Variants in PCNX2 observed in about 807,000 individuals in gnomAD.
The protein encoded by PCNX2 is pecanex-like protein 2.
Under a neutral mutation model 223.8 loss-of-function variants are expected in PCNX2, and 168 were observed. That is an observed-to-expected ratio of 0.75 (90% CI 0.66 to 0.85). PCNX2 has a LOEUF of 0.85. PCNX2 is among the 40% of genes least tolerant of loss of function. The pLI is 0.00. For missense variants in PCNX2, 2,507 were observed against 2,675.5 expected (o/e 0.94, Z 1.39); for synonymous variants, 1,006 against 1,052.6 (o/e 0.96, Z 0.86).
At chr1:233,227,154 A>T in intron 10 of PCNX2, 72 bp downstream of exon 10, 1 of 1,453,978 alleles carries the variant, frequency 6.9e-7, no homozygotes, top group Non-Finnish European at 9.2e-7. Flanking sequence ...GTTCTCTTTG[A>T]AAGCATGCAG....
intron 21 of PCNX2, among the ~76,000 whole-genome samples, chr1:233,130,761 G>A (rs1294138061): frequency 6.6e-6 from 1 of 151,910 alleles, no homozygotes; most frequent in Middle Eastern, 3.2e-3. Context: ...GGGATTACAG[G>A]TGTGTGCCAC....
chr1:233,054,123 A>G, intron 25 of PCNX2, 145 bp downstream of exon 25: 1 of 670,070 alleles, frequency 1.5e-6, no homozygotes, highest in South Asian at 2.0e-5. Context: ...TAGTTTATTT[A>G]TATCAAGGTA....
At chr1:233,231,789 CA>C in intron 9 of PCNX2, 2 of 458,904 alleles carry the variant, frequency 4.4e-6, no homozygotes, top group Non-Finnish European at 5.7e-6. Context: ...TGAGAAATCA[CA>C]GAGTGGCTGC....
At chr1:232,994,471 A>G (rs1209476995) in intron 32 of PCNX2, among the ~76,000 whole-genome samples, 1 of 152,122 alleles carries the variant, frequency 6.6e-6, no homozygotes, top group African/African-American at 2.4e-5. Flanking sequence ...CTTGTTTTTG[A>G]TTTTACAGGC....
At chr1:232,987,378 G>C (rs1669531951) in intron 32 of PCNX2, among the ~76,000 whole-genome samples, 1 of 152,236 alleles carries the variant, frequency 6.6e-6, no homozygotes, top group Admixed American at 6.5e-5. Flanking sequence ...AGCAGTCTGA[G>C]GAAATGGGTG....
rs114631138 is a variant in PCNX2 at position 233,178,972 on chromosome 1, T to A, written c.3176+94A>T. On this transcript the variant is annotated intron_variant, in intron 16 of 33. Coordinates refer to ENST00000258229, the MANE Select transcript of PCNX2 (RefSeq NM_014801.4). Reference sequence around the variant, plus strand: ...ATGAGAGTCAAATCACAATGGGCAGTGAATTGCTGTCTGCCCATCTCAGTC... The same window carrying A: ...ATGAGAGTCAAATCACAATGGGCAGAGAATTGCTGTCTGCCCATCTCAGTC... 2.1e-3 allele frequency: 2,259 copies of A among 1,058,622 alleles called. 37 individuals carry two copies. The African/African-American group carries it at 0.031, about 14-fold the overall frequency. The allele number at this position is 1,058,622 out of a possible 1,614,324, so 65.6% of individuals were successfully genotyped here. A position where few individuals can be genotyped will look rare whatever the true frequency, so the allele number is the denominator to read the frequency against.
Position 233,000,183 on chromosome 1 carries a change from T to G in PCNX2, c.5328+122A>C, listed in dbSNP as rs1271542153. On this transcript the variant is annotated intron_variant, in intron 30 of 33. Coordinates refer to ENST00000258229, the MANE Select transcript of PCNX2 (RefSeq NM_014801.4). The surrounding 1 kb of genome is among the most constrained non-coding windows in gnomAD (Gnocchi z 4.6). ...CAGCGCTCCTTCCAGAACATCCCTC[T>G]GAACAGAGGATGCTGGCACAGAGAC... The G allele has an allele frequency of 8.9e-6, 9 of 1,016,820 alleles. No individual in the cohort carries two copies. Among genetic ancestry groups the G allele is most frequent in the Non-Finnish European group, 1.4e-5 (9 of 656,294 alleles). The allele number at this position is 1,016,820 out of a possible 1,614,324, so 63.0% of individuals were successfully genotyped here.
In PCNX2 at chr1:233,224,677, C is replaced by T. The variant is rs190047003; in HGVS notation, c.2504+2549G>A. On this transcript the variant is annotated intron_variant, in intron 10 of 33. Coordinates refer to ENST00000258229, the MANE Select transcript of PCNX2 (RefSeq NM_014801.4). ...TTTTCTAGGTCAGTATTTTGGGTTT[C>T]TTCCTCCTTCCTCACTGTGAGCTGT... Among the ~76,000 whole-genome samples, 585 of 152,244 alleles carry T rather than the reference C, an allele frequency of 3.8e-3. 4 individuals carry two copies. The highest frequency in any genetic ancestry group is 6.3e-3 in the Non-Finnish European group (428 of 68,002).
At chr1:233,057,743 A>T (rs1296052203) in intron 23 of PCNX2, 8 of 305,242 alleles carry the variant, frequency 2.6e-5, no homozygotes, top group Non-Finnish European at 3.8e-5. Flanking sequence ...GTGGTGGCAC[A>T]CTCCTATAAT....
At chr1:232,986,023 G>T in intron 33 of PCNX2, 69 bp downstream of exon 33, 1 of 1,505,586 alleles carries the variant, frequency 6.6e-7, no homozygotes, top group Non-Finnish European at 9.0e-7. Flanking sequence ...CAAGGCAGGT[G>T]CCACGCTCAG....
intron 12 of PCNX2, among the ~76,000 whole-genome samples, chr1:233,210,179 A>C (rs1467617605): frequency 6.6e-6 from 1 of 152,158 alleles, no homozygotes; most frequent in Non-Finnish European, 1.5e-5. Flanking sequence ...CTGTCACAAA[A>C]AGCCTGCCCT....
rs1339560904 is a variant in PCNX2 at position 233,025,145 on chromosome 1, C to G, written c.4605+1G>C. The G allele has an allele frequency of 1.2e-6, 2 of 1,613,844 alleles. No individual in the cohort carries two copies. The highest frequency in any genetic ancestry group is 2.7e-5 in the African/African-American group (2 of 74,920). Reference sequence around the variant, plus strand: ...TAGGTGTTTGGGAAACAGAGCAATACCTTGATGTAGTAGCGGATGAGGATC... The same window carrying G: ...TAGGTGTTTGGGAAACAGAGCAATAGCTTGATGTAGTAGCGGATGAGGATC... On this transcript the variant is annotated splice_donor_variant, in intron 26 of 33. Coordinates refer to ENST00000258229, the MANE Select transcript of PCNX2 (RefSeq NM_014801.4). LOFTEE classifies it high-confidence loss of function.
chr1:233,191,455 T>C (rs986374237), intron 15 of PCNX2, among the ~76,000 whole-genome samples: 21 of 152,150 alleles, frequency 1.4e-4, no homozygotes, highest in African/African-American at 5.1e-4. Context: ...CCAGTCCAAA[T>C]GGCATCAAGA....
chr1:233,093,652 G>A (rs909545081), intron 22 of PCNX2, among the ~76,000 whole-genome samples: 3 of 152,060 alleles, frequency 2.0e-5, no homozygotes, highest in African/African-American at 4.8e-5. Flanking sequence ...TGAGGGGGCC[G>A]TCCATGGGTA....
the PCNX2 span, among the ~76,000 whole-genome samples, chr1:233,306,170 C>T: frequency 3.3e-5 from 5 of 151,952 alleles, no homozygotes; most frequent in South Asian, 4.2e-4. Context: ...AAAAGAAAAG[C>T]GTTTTATAAT....
At chr1:233,229,743 T>A (rs901053457) in intron 9 of PCNX2, among the ~76,000 whole-genome samples, 3 of 152,098 alleles carry the variant, frequency 2.0e-5, no homozygotes, top group African/African-American at 7.2e-5. Context: ...TTTTAAAAAC[T>A]TATTAAAGAT....
intron 1 of PCNX2, among the ~76,000 whole-genome samples, chr1:233,282,208 G>T (rs141561966): frequency 6.6e-6 from 1 of 152,060 alleles, no homozygotes; most frequent in Admixed American, 6.5e-5. Context: ...CTTGTCTCCC[G>T]ACGCCTCCTC....
chr1:233,287,308 G>A (rs1661502920), intron 1 of PCNX2, among the ~76,000 whole-genome samples: 1 of 152,180 alleles, frequency 6.6e-6, no homozygotes, highest in Non-Finnish European at 1.5e-5. Context: ...ATGTCTTCAT[G>A]CCAATGTGCA....
chr1:233,149,901 A>T (rs1057355367), intron 19 of PCNX2, among the ~76,000 whole-genome samples: 1 of 117,954 alleles, frequency 8.5e-6, no homozygotes, highest in Non-Finnish European at 1.8e-5. Context: ...TATATATATA[A>T]ATTTTTTTCT....
Sources: gnomAD v4.1 joint callset for allele counts (sites outside exome capture counted in the v4.1 genomes callset) on GRCh38, gnomAD v4.1.1 for gene constraint, Gnocchi (gnomAD v3.1) non-coding constraint, MANE v1.5 for transcripts, NCBI Gene and HGNC (gene_info 2026-07-23, HGNC 2026-07-21) for gene names.